Variants in KAT2B observed in about 807,000 individuals in gnomAD.
KAT2B encodes histone acetyltransferase KAT2B.
A neutral mutation model predicts 105.9 loss-of-function variants in KAT2B; 36 were observed. The ratio of observed to expected loss-of-function variants is 0.34; its 90% CI spans 0.26 to 0.45. The LOEUF is 0.45. Among genes scored for constraint, KAT2B ranks in the 20% least tolerant of loss-of-function variants. KAT2B has a pLI of 1.00. For synonymous variants in KAT2B, 397 were observed against 377.9 expected, an observed-to-expected ratio of 1.05 and a Z score of -0.59; for missense variants, 820 against 1,021.6, an observed-to-expected ratio of 0.80 and a Z score of 2.69.
chr3:20,092,455 C>G (rs1240821518), intron 2 of KAT2B, among the ~76,000 whole-genome samples: 1 of 151,832 alleles, frequency 6.6e-6, no homozygotes, highest in South Asian at 2.1e-4. Flanking sequence ...GTCTCAAACT[C>G]CTGACCTCAC....
intron 7 of KAT2B, among the ~76,000 whole-genome samples, chr3:20,118,755 A>C (rs574977647): frequency 0.17 from 24,515 of 140,852 alleles, 2,312 homozygotes; most frequent in Non-Finnish European, 0.21. Flanking sequence ...AAAGAGAGAG[A>C]GCGAACTATA....
At chr3:20,075,996 A>G (rs1698412775) in intron 2 of KAT2B, among the ~76,000 whole-genome samples, 1 of 152,018 alleles carries the variant, frequency 6.6e-6, no homozygotes, top group South Asian at 2.1e-4. Context: ...GTGGGGTTGA[A>G]GGTTCCAATC....
chr3:20,121,370 A>G (rs1206718475), intron 8 of KAT2B, among the ~76,000 whole-genome samples: 1 of 152,218 alleles, frequency 6.6e-6, no homozygotes, highest in Non-Finnish European at 1.5e-5. Flanking sequence ...AATTCAAAAA[A>G]TTTACTTGTA....
chr3:20,056,400 G>T (rs1698004405), intron 1 of KAT2B, among the ~76,000 whole-genome samples: 1 of 152,176 alleles, frequency 6.6e-6, no homozygotes, highest in African/African-American at 2.4e-5. Context: ...GCAGGTTTGG[G>T]TAAGAATAAA....
intron 2 of KAT2B, among the ~76,000 whole-genome samples, chr3:20,082,791 C>CA (rs965488059): frequency 3.3e-5 from 5 of 152,106 alleles, no homozygotes; most frequent in Admixed American, 3.3e-4. Context: ...CCCTCCCCAC[C>CA]AAATACGTAA....
chr3:20,109,531 T>C lies in KAT2B; in HGVS notation c.852-2065T>C, dbSNP rs529741208. Among the ~76,000 whole-genome samples the C allele has an allele frequency of 5.3e-5, 8 of 152,260 alleles. No individual in the cohort carries two copies. The South Asian group carries it at 1.5e-3, about 28-fold the overall frequency. On this transcript the variant is annotated intron_variant, in intron 5 of 17. Coordinates refer to ENST00000263754, the MANE Select transcript of KAT2B (RefSeq NM_003884.5). ...GGGCGTCTTACTATGTTGCCCAGGC[T>C]GGTCTTGAACTCCTGGGCTCAAGCG...
At chr3:20,054,112 TTTTG>T (rs553841004) in intron 1 of KAT2B, among the ~76,000 whole-genome samples, 1,536 of 151,930 alleles carry the variant, frequency 0.01, 10 homozygotes, top group Non-Finnish European at 0.017. Flanking sequence ...ACTTATTTTT[TTTTG>T]TTTTTGTTTT....
intron 12 of KAT2B, among the ~76,000 whole-genome samples, chr3:20,138,683 G>T (rs998172785): frequency 6.6e-6 from 1 of 151,914 alleles, no homozygotes; most frequent in Non-Finnish European, 1.5e-5. Context: ...CTTTGTATTT[G>T]TTCCTTTTTT....
At chr3:20,083,174 C>T (rs1698550249) in intron 2 of KAT2B, among the ~76,000 whole-genome samples, 2 of 152,176 alleles carry the variant, frequency 1.3e-5, no homozygotes, top group African/African-American at 4.8e-5. Flanking sequence ...ATAGCAGCGA[C>T]TTCATATCTT....
At chr3:20,131,558 T>A (rs975897166) in intron 11 of KAT2B, among the ~76,000 whole-genome samples, 4 of 152,188 alleles carry the variant, frequency 2.6e-5, no homozygotes, top group African/African-American at 9.6e-5. Flanking sequence ...GCAGAGGTTT[T>A]ATTTTTATTT....
At chr3:20,062,254 A>AAC (rs1559514418) in intron 1 of KAT2B, among the ~76,000 whole-genome samples, 1 of 61,438 alleles carries the variant, frequency 1.6e-5, no homozygotes, top group Non-Finnish European at 2.6e-5. Context: ...TAATATATAA[A>AAC]ATATGATATA....
chr3:20,043,079 ATTC>A (rs1019662990), intron 1 of KAT2B, among the ~76,000 whole-genome samples: 11 of 151,938 alleles, frequency 7.2e-5, no homozygotes, highest in Admixed American at 2.0e-4. Context: ...TATTATTTGT[ATTC>A]TTTGTAGAGA....
intron 1 of KAT2B, among the ~76,000 whole-genome samples, chr3:20,070,878 G>T (rs985039108): frequency 2.0e-5 from 3 of 151,404 alleles, no homozygotes; most frequent in Non-Finnish European, 4.4e-5. Context: ...GTGTGGTGGT[G>T]CATGCCAGTA....
At chr3:20,088,628 A>G (rs1297342848) in intron 2 of KAT2B, among the ~76,000 whole-genome samples, 17 of 152,158 alleles carry the variant, frequency 1.1e-4, no homozygotes. Context: ...TAAGTTCCTT[A>G]TATATTTTGG....
chr3:20,062,254 A>AATATATTATAT (rs368794227), intron 1 of KAT2B, among the ~76,000 whole-genome samples: 1 of 61,438 alleles, frequency 1.6e-5, no homozygotes, highest in African/African-American at 8.3e-5. Context: ...TAATATATAA[A>AATATATTATAT]ATATGATATA....
chr3:20,098,172 A>T (rs1389237667), intron 3 of KAT2B, among the ~76,000 whole-genome samples: 1 of 151,812 alleles, frequency 6.6e-6, no homozygotes, highest in African/African-American at 2.4e-5. Flanking sequence ...AGAGGTTGCC[A>T]TGAGCTGAGA....
chr3:20,139,371 C>A (rs1275419323), intron 12 of KAT2B, among the ~76,000 whole-genome samples: 1 of 152,126 alleles, frequency 6.6e-6, no homozygotes, highest in Non-Finnish European at 1.5e-5. Flanking sequence ...TGGATTGTTT[C>A]ACTGAGGTCT....
intron 1 of KAT2B, among the ~76,000 whole-genome samples, chr3:20,070,114 A>T (rs1197085075): frequency 1.3e-5 from 2 of 152,042 alleles, no homozygotes; most frequent in Non-Finnish European, 2.9e-5. Flanking sequence ...GGATGTAGCT[A>T]TGGGGATGCT....
intron 11 of KAT2B, among the ~76,000 whole-genome samples, chr3:20,131,366 T>G (rs1033977574): frequency 6.6e-6 from 1 of 151,966 alleles, no homozygotes; most frequent in African/African-American, 2.4e-5. Flanking sequence ...ATGAACAACT[T>G]TTGAGACATC....
Sources: gnomAD v4.1 joint callset for allele counts (sites outside exome capture counted in the v4.1 genomes callset) on GRCh38, gnomAD v4.1.1 for gene constraint, MANE v1.5 for transcripts, NCBI Gene and HGNC (gene_info 2026-07-23, HGNC 2026-07-21) for gene names.